Variants in TBC1D19 observed in about 807,000 individuals in gnomAD.
TBC1D19 encodes the protein TBC1 domain family, member 19.
TBC1D19 carries 60 observed loss-of-function variants against 89.0 expected under a neutral mutation model. The observed-to-expected ratio is 0.67, with a 90% CI of 0.55 to 0.84. The LOEUF (loss-of-function observed/expected upper bound fraction) is 0.84. TBC1D19 is among the 40% of genes least tolerant of loss of function. The pLI, the probability that TBC1D19 is intolerant of heterozygous loss-of-function variation, is 0.00. For missense variants in TBC1D19, 500 were observed against 610.8 expected (o/e 0.82, Z 1.91); for synonymous variants, 189 against 199.7 (o/e 0.95, Z 0.45).
At chr4:26,691,972 AG>A (rs1714330853) in intron 13 of TBC1D19, among the ~76,000 whole-genome samples, 2 of 152,314 alleles carry the variant, frequency 1.3e-5, no homozygotes, top group African/African-American at 4.8e-5. Flanking sequence ...AAGTATTTAA[AG>A]TCTCTGGTAA....
intron 4 of TBC1D19, among the ~76,000 whole-genome samples, chr4:26,627,855 T>C (rs1742532950): frequency 6.6e-6 from 1 of 151,912 alleles, no homozygotes; most frequent in African/African-American, 2.4e-5. Context: ...ACTCTGATGG[T>C]AGTTTCTTTT....
chr4:26,720,104 G>A lies in TBC1D19; in HGVS notation c.1063G>A (p.Ala355Thr). The A allele has an allele frequency of 6.2e-7, 1 of 1,604,858 alleles. No homozygotes were observed. The highest frequency in any genetic ancestry group is 1.1e-5 in the South Asian group (1 of 89,514). ...AGGAAAACTAGGACTGGAAGAATAT[G>A]CTGTCTTTTACCCACCAAATGGTAA... The part of the protein sequence containing the change: ...IRGKLGLEEY[A>T]VFYPPNGVIP... Residue 355 changes from alanine (A) to threonine (T), a missense_variant, in exon 15 of 21, where the codon GCT becomes ACT. Physicochemically the swap from Ala to Thr is moderately conservative, Grantham distance 58. This residue lies in a region of TBC1D19 where 220 missense variants were observed against 319.1 expected (regional missense o/e 0.69). Coordinates refer to ENST00000264866, the MANE Select transcript of TBC1D19 (RefSeq NM_018317.4).
the TBC1D19 span, among the ~76,000 whole-genome samples, chr4:26,764,699 G>T: frequency 6.6e-6 from 1 of 152,184 alleles, no homozygotes; most frequent in African/African-American, 2.4e-5. Context: ...TATAATGATG[G>T]GTCATGGAAT....
chr4:26,631,612 C>T (rs74781797), intron 4 of TBC1D19, among the ~76,000 whole-genome samples: 3,271 of 152,030 alleles, frequency 0.022, 113 homozygotes, highest in African/African-American at 0.073. Flanking sequence ...TTCTCTGTTC[C>T]GGGTCATTTC....
At chr4:26,623,891 CT>C (rs1742225921) in intron 4 of TBC1D19, among the ~76,000 whole-genome samples, 1 of 152,092 alleles carries the variant, frequency 6.6e-6, no homozygotes, top group Non-Finnish European at 1.5e-5. Flanking sequence ...AACTTTCAGT[CT>C]ATCTCTCCCA....
rs1718764135 is a variant in TBC1D19, at chr4:26,748,338, G to A, written c.1320-73G>A. 3 of 1,042,424 alleles carry A rather than the reference G, an allele frequency of 2.9e-6. No homozygotes were observed. The Admixed American group carries it at 5.5e-5, about 19-fold the overall frequency. The allele number at this position is 1,042,424 out of a possible 1,614,324, so 64.6% of individuals were successfully genotyped here. ...AAGACTCTTGAATAGAATTGGTTGG[G>A]TTCTTCTGATATTGCATTTTCATGA... On this transcript the variant is annotated intron_variant, in intron 18 of 20. Transcript: ENST00000264866.
intron 15 of TBC1D19, among the ~76,000 whole-genome samples, chr4:26,723,950 T>C (rs1309385719): frequency 1.3e-5 from 2 of 152,080 alleles, no homozygotes; most frequent in African/African-American, 4.8e-5. Context: ...GGAGCAGAAA[T>C]TGTAGGAAGT....
the TBC1D19 span, among the ~76,000 whole-genome samples, chr4:26,825,426 G>A: frequency 6.6e-5 from 10 of 152,154 alleles, no homozygotes; most frequent in African/African-American, 2.4e-4. Flanking sequence ...TTTCTTTCAG[G>A]AGTAACTAGG....
chr4:26,727,146 GGGT>G (rs1717369995), intron 15 of TBC1D19, among the ~76,000 whole-genome samples: 1 of 152,188 alleles, frequency 6.6e-6, no homozygotes, highest in African/African-American at 2.4e-5. Context: ...ACATGCTCTT[GGGT>G]GGTAGTCAGG....
At chr4:26,799,479 A>G in the TBC1D19 span, among the ~76,000 whole-genome samples, 2 of 152,208 alleles carry the variant, frequency 1.3e-5, no homozygotes, top group Non-Finnish European at 2.9e-5. Flanking sequence ...TGGAAAAGAT[A>G]CCAGAAGCTA....
the TBC1D19 span, among the ~76,000 whole-genome samples, chr4:26,796,202 T>G: frequency 2.0e-5 from 3 of 152,222 alleles, no homozygotes; most frequent in African/African-American, 7.2e-5. Context: ...CTTTTTCTTC[T>G]TAATGAAAAA....
chr4:26,609,499 C>T (rs1264995703), intron 1 of TBC1D19, among the ~76,000 whole-genome samples: 1 of 152,084 alleles, frequency 6.6e-6, no homozygotes, highest in East Asian at 1.9e-4. Context: ...AGTGAGAGAG[C>T]ACTTCCATCT....
chr4:26,853,004 G>A, the TBC1D19 span, among the ~76,000 whole-genome samples: 1 of 152,186 alleles, frequency 6.6e-6, no homozygotes, highest in Non-Finnish European at 1.5e-5. Flanking sequence ...AGCAGCCTCC[G>A]CAATGGCGTC....
At chr4:26,853,955 T>C in the TBC1D19 span, among the ~76,000 whole-genome samples, 87 of 152,374 alleles carry the variant, frequency 5.7e-4, no homozygotes, top group African/African-American at 1.9e-3. Context: ...TTCGTTTCCA[T>C]ATCAGAAGGC....
chr4:26,592,783 G>T (rs895124791), intron 1 of TBC1D19, among the ~76,000 whole-genome samples: 7 of 151,896 alleles, frequency 4.6e-5, no homozygotes, highest in African/African-American at 1.7e-4. Context: ...ACTTACAAGG[G>T]ATGTGAAGGA....
chr4:26,685,094 G>C (rs1713695349), intron 12 of TBC1D19, among the ~76,000 whole-genome samples: 1 of 152,186 alleles, frequency 6.6e-6, no homozygotes, highest in Non-Finnish European at 1.5e-5. Flanking sequence ...AGAAGAATCA[G>C]ACAGCTCAGG....
At chr4:26,758,650 G>A (rs887758995), downstream of TBC1D19, among the ~76,000 whole-genome samples, 4 of 152,218 alleles carry the variant, frequency 2.6e-5, no homozygotes, top group Non-Finnish European at 4.4e-5. Context: ...TGTAGCTGCT[G>A]CAGTCTAGGA....
At chr4:26,723,151 C>G (rs1717084277) in intron 15 of TBC1D19, among the ~76,000 whole-genome samples, 1 of 152,166 alleles carries the variant, frequency 6.6e-6, no homozygotes, top group Non-Finnish European at 1.5e-5. Context: ...AGAATCATTT[C>G]TCCTCTCAGG....
At chr4:26,617,311 G>A (rs1432948717) in intron 3 of TBC1D19, among the ~76,000 whole-genome samples, 1 of 152,162 alleles carries the variant, frequency 6.6e-6, no homozygotes, top group African/African-American at 2.4e-5. Flanking sequence ...TGTTACAATT[G>A]CAAATTTTAA....
Sources: allele counts gnomAD v4.1 joint callset (sites outside exome capture counted in the v4.1 genomes callset), GRCh38; gene constraint gnomAD v4.1.1; regional missense constraint gnomAD v4.1.1; transcripts MANE v1.5; gene names NCBI Gene and HGNC (gene_info 2026-07-23, HGNC 2026-07-21).